CR1: variants seen among roughly 807,000 people sequenced by gnomAD.
CR1 encodes complement receptor type 1.
Under a neutral mutation model 187.3 loss-of-function variants are expected in CR1, and 116 were observed. The ratio of observed to expected loss-of-function variants is 0.62; its 90% CI spans 0.53 to 0.72. The LOEUF (loss-of-function observed/expected upper bound fraction) is 0.72. CR1 is among the 30% of genes least tolerant of loss of function. The probability of loss-of-function intolerance (pLI) is 0.00; values close to 1 mark genes in which losing one functional copy is unlikely to be tolerated. For missense variants in CR1, 1,731 were observed against 2,110.7 expected (o/e 0.82, Z 3.52); for synonymous variants, 576 against 747.1 (o/e 0.77, Z 3.73).
Position 207,617,577 on chromosome 1 carries a change from GTATATATATATATA to G in CR1, c.6890-471_6890-458del, listed in dbSNP as rs747792167. On this transcript the variant is annotated intron_variant, in intron 41 of 46. Coordinates refer to ENST00000367049, the MANE Select transcript of CR1 (RefSeq NM_000651.6). ...TATATGTGTATATATATGTGTGTGT[GTATATATATATATA>G]TATATATATATATATATATATAGAG... Among the ~76,000 whole-genome samples the G allele has an allele frequency of 1.5e-3, 71 of 47,176 alleles. 3 individuals carry two copies. The highest frequency in any genetic ancestry group is 2.0e-3 in the South Asian group (2 of 1,008). The allele number at this position is 47,176 out of a possible 152,430, so 30.9% of individuals were successfully genotyped here. A position where few individuals can be genotyped will look rare whatever the true frequency, so the allele number is the denominator to read the frequency against.
chr1:207,585,292 G>A (rs972641057), intron 33 of CR1, among the ~76,000 whole-genome samples: 2 of 152,210 alleles, frequency 1.3e-5, no homozygotes, highest in Non-Finnish European at 2.9e-5. Flanking sequence ...AATTGGAAAT[G>A]TGGATATTAT....
chr1:207,610,476 G>T (rs578088655), intron 37 of CR1, among the ~76,000 whole-genome samples: 1 of 152,020 alleles, frequency 6.6e-6, no homozygotes, highest in African/African-American at 2.4e-5. Flanking sequence ...GGAACTCCAG[G>T]TGCTCACTAC....
At chr1:207,515,593 T>G (rs1659786409) in intron 4 of CR1, among the ~76,000 whole-genome samples, 1 of 152,154 alleles carries the variant, frequency 6.6e-6, no homozygotes, top group Non-Finnish European at 1.5e-5. Context: ...ATGTTATATT[T>G]GGAAGAGTCA....
At chr1:207,625,053 C>A (rs556436671) in intron 45 of CR1, among the ~76,000 whole-genome samples, 3 of 152,266 alleles carry the variant, frequency 2.0e-5, no homozygotes, top group South Asian at 4.2e-4. Context: ...GGTCACACTC[C>A]CAAGCCTAAC....
In CR1 at chr1:207,581,923, G is replaced by A. The variant is rs772031309; in HGVS notation, c.5222G>A (p.Arg1741His). The A allele has an allele frequency of 1.7e-5, 27 of 1,612,120 alleles. No individual in the cohort carries two copies. The highest frequency in any genetic ancestry group is 2.2e-5 in the South Asian group (2 of 91,028). ...ACTACTGCTTTGTTCTTTAGGTTTC[G>A]CTTAAAGGGCAGTTCCGTTAGTCAT... ...KVSFVCDEGF[R>H]LKGSSVSHCV... Residue 1741 changes from arginine (R) to histidine (H), a missense_variant, in exon 32 of 47, where the codon CGC becomes CAC. Coordinates refer to ENST00000367049, the MANE Select transcript of CR1 (RefSeq NM_000651.6).
chr1:207,597,840 C>T (rs898963620), intron 35 of CR1, among the ~76,000 whole-genome samples: 2 of 152,286 alleles, frequency 1.3e-5, no homozygotes, highest in African/African-American at 2.4e-5. Context: ...AAGGTAGAAA[C>T]AACCCAAGTA....
chr1:207,578,075 G>A lies in CR1; in HGVS notation c.4808G>A (p.Arg1603Lys). ...AATGGAATATTGGTATCTGACAACA[G>A]AAGCTTATTTTCCTTAAATGAAGTT... is the stretch of plus-strand genomic sequence containing the variant. Reference protein sequence around the residue: ...VENGILVSDNRSLFSLNEVVE... With the variant: ...VENGILVSDNKSLFSLNEVVE... Residue 1603 changes from arginine to lysine, a missense_variant, in exon 29 of 47, where the codon AGA becomes AAA. Arg to Lys is a conservative substitution (Grantham distance 26, BLOSUM62 2). Around this residue, in one of 5 missense-constraint regions of CR1, gnomAD observed 1,312 missense variants for 1,379.6 expected, o/e 0.95. Coordinates refer to ENST00000367049, the MANE Select transcript of CR1 (RefSeq NM_000651.6). 6.2e-7 allele frequency: 1 copy of A among 1,611,730 alleles called. No homozygotes were observed. Among genetic ancestry groups the A allele is most frequent in the Non-Finnish European group, 8.5e-7 (1 of 1,179,626 alleles).
chr1:207,606,293 C>A (rs1661747688), intron 35 of CR1, among the ~76,000 whole-genome samples: 1 of 152,196 alleles, frequency 6.6e-6, no homozygotes, highest in Admixed American at 6.5e-5. Context: ...AAGTTAGTAA[C>A]ATGGCTATGC....
chr1:207,523,472 TA>T, intron 4 of CR1, 138 bp from the exon 5 acceptor site: 1 of 1,426,744 alleles, frequency 7.0e-7, no homozygotes, highest in Non-Finnish European at 9.5e-7. Context: ...GCTACAACTT[TA>T]TAAAAATGTA....
At chr1:207,614,301 C>T (rs1443854835) in intron 39 of CR1, 103 bp from the exon 40 acceptor site, 12 of 862,056 alleles carry the variant, frequency 1.4e-5, no homozygotes, top group Middle Eastern at 2.3e-4. Context: ...AAATGATAGT[C>T]GAGGAGGAAA....
chr1:207,628,500 G>A (rs1662547929), intron 45 of CR1, among the ~76,000 whole-genome samples: 1 of 152,176 alleles, frequency 6.6e-6, no homozygotes, highest in African/African-American at 2.4e-5. Flanking sequence ...CTGTGAGGTA[G>A]GTAGGCCCAA....
intron 1 of CR1, among the ~76,000 whole-genome samples, chr1:207,500,648 G>A (rs946941259): frequency 9.9e-5 from 15 of 152,210 alleles, no homozygotes; most frequent in African/African-American, 3.6e-4. Flanking sequence ...ATAAGGTGGA[G>A]TAACTGGAAT....
At chr1:207,510,738 CTTCCTTCT>C (rs1389292184) in intron 3 of CR1, among the ~76,000 whole-genome samples, 1 of 149,420 alleles carries the variant, frequency 6.7e-6, no homozygotes, top group African/African-American at 2.5e-5. Context: ...TCCTTCCTTC[CTTCCTTCT>C]TTCCTTCCTT....
At chr1:207,612,481 G>A (rs1661964074) in intron 39 of CR1, among the ~76,000 whole-genome samples, 1 of 152,232 alleles carries the variant, frequency 6.6e-6, no homozygotes, top group South Asian at 2.1e-4. Context: ...GGATAAGTGT[G>A]TTTTAACCCA....
At chr1:207,632,797 CAAAAAAAAAAAAAAAA>C (rs55649027) in intron 46 of CR1, among the ~76,000 whole-genome samples, 5 of 107,658 alleles carry the variant, frequency 4.6e-5, no homozygotes, top group Non-Finnish European at 5.3e-5. Flanking sequence ...GACTCCGTCT[CAAAAAAAAAAAAAAAA>C]AAAAAAAAAA....
intron 46 of CR1, among the ~76,000 whole-genome samples, chr1:207,636,487 C>T (rs1205491878): frequency 2.6e-5 from 4 of 152,056 alleles, no homozygotes; most frequent in Admixed American, 2.0e-4. Context: ...TAACTGGAAA[C>T]GATGGTCTAA....
At chr1:207,604,298 T>C (rs1661686769) in intron 35 of CR1, among the ~76,000 whole-genome samples, 1 of 152,204 alleles carries the variant, frequency 6.6e-6, no homozygotes, top group Non-Finnish European at 1.5e-5. Flanking sequence ...TTTTCCTCTG[T>C]GGTTTGTCTT....
In CR1 at chr1:207,611,905, G is replaced by A. The variant is rs767351637; in HGVS notation, c.6473-34G>A. Reference sequence around the variant, plus strand: ...TGCTCTGTTTTCCCCTTCACATGGAGGACTTACTCCTGTTGTTTTATTTTT... The same window carrying A: ...TGCTCTGTTTTCCCCTTCACATGGAAGACTTACTCCTGTTGTTTTATTTTT... On this transcript the variant is annotated intron_variant, in intron 38 of 46. Transcript: ENST00000367049. The A allele has an allele frequency of 1.6e-5, 26 of 1,613,908 alleles. No individual in the cohort carries two copies. The Admixed American group carries it at 4.2e-4, about 26-fold the overall frequency.
rs1200660165 is a variant in CR1, at chr1:207,624,535, T to G, written c.7352+1467T>G. 2.0e-5 allele frequency among the ~76,000 whole-genome samples: 3 copies of G among 152,210 alleles called. No individual in the cohort carries two copies. In the East Asian group the frequency reaches 5.8e-4, roughly 29 times the overall value. On this transcript the variant is annotated intron_variant, in intron 45 of 46. Coordinates refer to ENST00000367049, the MANE Select transcript of CR1 (RefSeq NM_000651.6). ...TTTTGATATTTCACAAAGATGCCAA[T>G]ATACTTTTTAAAAAGTAGTTTGTCA...
Sources: gnomAD v4.1 joint callset for allele counts (sites outside exome capture counted in the v4.1 genomes callset) on GRCh38, gnomAD v4.1.1 for gene constraint, gnomAD v4.1.1 regional missense constraint, MANE v1.5 for transcripts, NCBI Gene and HGNC (gene_info 2026-07-23, HGNC 2026-07-21) for gene names.